TAFA1: variants seen among roughly 807,000 people sequenced by gnomAD.
The protein encoded by TAFA1 is TAFA chemokine like family member 1.
Under a neutral mutation model 18.5 loss-of-function variants are expected in TAFA1, and 4 were observed. That is an observed-to-expected ratio of 0.22 (90% CI 0.11 to 0.49). The LOEUF (loss-of-function observed/expected upper bound fraction) is 0.49. Among genes scored for constraint, TAFA1 ranks in the 20% least tolerant of loss-of-function variants. TAFA1 has a pLI of 0.98. For missense variants in TAFA1, 147 were observed against 169.0 expected, an observed-to-expected ratio of 0.87 and a Z score of 0.72; for synonymous variants, 56 against 55.2, an observed-to-expected ratio of 1.01 and a Z score of -0.06.
At chr3:68,253,003 T>G (rs975560640) in intron 2 of TAFA1, among the ~76,000 whole-genome samples, 2 of 152,192 alleles carry the variant, frequency 1.3e-5, no homozygotes, top group African/African-American at 2.4e-5. Context: ...TTCCTTCACC[T>G]TCCACCATGA....
intron 2 of TAFA1, among the ~76,000 whole-genome samples, chr3:68,049,084 A>AT (rs928493927): frequency 6.6e-6 from 1 of 152,064 alleles, no homozygotes; most frequent in African/African-American, 2.4e-5. Flanking sequence ...AGCTGGGCAC[A>AT]TTTTTTACTG....
chr3:68,234,967 A>C (rs1048660833), intron 2 of TAFA1, among the ~76,000 whole-genome samples: 4 of 151,824 alleles, frequency 2.6e-5, no homozygotes, highest in African/African-American at 9.7e-5. Context: ...GCACAGATGA[A>C]CTCCATTGTC....
chr3:68,022,115 A>T (rs1382088983), intron 2 of TAFA1, among the ~76,000 whole-genome samples: 2 of 152,206 alleles, frequency 1.3e-5, no homozygotes, highest in African/African-American at 4.8e-5. Flanking sequence ...TGCCAAAACA[A>T]ACTAGATTTA....
intron 2 of TAFA1, among the ~76,000 whole-genome samples, chr3:68,294,190 G>A (rs2068164940): frequency 1.3e-5 from 2 of 152,094 alleles, no homozygotes; most frequent in South Asian, 4.1e-4. Context: ...CATTGGTCAA[G>A]GAATCGAAAG....
rs113467200 is a variant in TAFA1 at position 68,469,397 on chromosome 3, G to A, written c.259+51977G>A. Among the ~76,000 whole-genome samples, 163 of 152,210 alleles carry A rather than the reference G, an allele frequency of 1.1e-3. 1 individual carries two copies. Among genetic ancestry groups the A allele is most frequent in the African/African-American group, 3.2e-3 (132 of 41,540 alleles). On this transcript the variant is annotated intron_variant, in intron 3 of 4. Coordinates refer to ENST00000478136, the MANE Select transcript of TAFA1 (RefSeq NM_213609.4). The stretch of plus-strand genomic sequence containing the variant: ...CTCTTTTGAAAAGTCAGAGAGGGCC[G>A]GGCGCAGTGGCTCACACCTGTAATT...
Position 68,268,312 on chromosome 3 carries a change from C to G in TAFA1, c.119-148968C>G, listed in dbSNP as rs114438319. 7.5e-3 allele frequency among the ~76,000 whole-genome samples: 1,143 copies of G among 152,120 alleles called. 19 individuals carry two copies. The highest frequency in any genetic ancestry group is 0.026 in the African/African-American group (1,067 of 41,494). ...CCATTTCAGTTTAAAGGAGGAAAGA[C>G]ATATTTTAAGATATTGCTGAAACTT... is the stretch of plus-strand genomic sequence containing the variant. On this transcript the variant is annotated intron_variant, in intron 2 of 4. Transcript: ENST00000478136.
At chr3:68,527,866 T>TG (rs11388946) in intron 3 of TAFA1, among the ~76,000 whole-genome samples, 120,266 of 151,948 alleles carry the variant, frequency 0.79, 47,693 homozygotes, top group East Asian at 0.89. Flanking sequence ...CTTTCAATCC[T>TG]CCCATTTCAC....
At chr3:68,520,744 A>T (rs1046385981) in intron 3 of TAFA1, among the ~76,000 whole-genome samples, 2 of 152,192 alleles carry the variant, frequency 1.3e-5, no homozygotes, top group Non-Finnish European at 2.9e-5. Context: ...AAGTGGAGGG[A>T]CACATGATAA....
At chr3:68,080,504 G>A (rs1330776401) in intron 2 of TAFA1, among the ~76,000 whole-genome samples, 3 of 152,008 alleles carry the variant, frequency 2.0e-5, no homozygotes, top group East Asian at 1.9e-4. Flanking sequence ...TTTAGGGCAG[G>A]CCTGGTGGTG....
At chr3:68,093,726 TC>T (rs1409509575) in intron 2 of TAFA1, among the ~76,000 whole-genome samples, 1 of 151,548 alleles carries the variant, frequency 6.6e-6, no homozygotes, top group Non-Finnish European at 1.5e-5. Flanking sequence ...TATCAATATA[TC>T]TTGTGTTTTT....
chr3:68,419,184 T>C (rs1316681633), intron 3 of TAFA1, among the ~76,000 whole-genome samples: 2 of 152,198 alleles, frequency 1.3e-5, no homozygotes, highest in Admixed American at 6.5e-5. Flanking sequence ...AAAGTTACTC[T>C]TTTTTATTTC....
chr3:68,045,978 C>G (rs1192996737), intron 2 of TAFA1, among the ~76,000 whole-genome samples: 1 of 152,106 alleles, frequency 6.6e-6, no homozygotes, highest in Non-Finnish European at 1.5e-5. Context: ...TGGGAATTAG[C>G]TTAGTGACAT....
chr3:68,046,730 G>A (rs925191328), intron 2 of TAFA1, among the ~76,000 whole-genome samples: 10 of 152,096 alleles, frequency 6.6e-5, no homozygotes, highest in African/African-American at 2.4e-4. Flanking sequence ...GATTTGGAGA[G>A]GTTAAGTAAC....
At chr3:68,357,576 T>C (rs2069389420) in intron 2 of TAFA1, among the ~76,000 whole-genome samples, 1 of 151,930 alleles carries the variant, frequency 6.6e-6, no homozygotes, top group Non-Finnish European at 1.5e-5. Flanking sequence ...CACTAGTCGG[T>C]GTAGTGTTTC....
intron 3 of TAFA1, among the ~76,000 whole-genome samples, chr3:68,505,438 C>T (rs778296149): frequency 6.6e-6 from 1 of 152,134 alleles, no homozygotes; most frequent in Non-Finnish European, 1.5e-5. Context: ...CTGCAAACCA[C>T]ATTACACAAA....
At chr3:68,215,664 C>G (rs955199156) in intron 2 of TAFA1, among the ~76,000 whole-genome samples, 4 of 151,966 alleles carry the variant, frequency 2.6e-5, no homozygotes, top group Non-Finnish European at 5.9e-5. Context: ...ACTGGCAATA[C>G]TAAATGCTGA....
At chr3:68,529,695 G>A (rs1282200523) in intron 3 of TAFA1, among the ~76,000 whole-genome samples, 2 of 152,152 alleles carry the variant, frequency 1.3e-5, no homozygotes, top group Non-Finnish European at 2.9e-5. Context: ...AGACCACATG[G>A]CAGAGAGGAA....
chr3:68,350,851 A>T (rs1328546080), intron 2 of TAFA1, among the ~76,000 whole-genome samples: 1 of 152,120 alleles, frequency 6.6e-6, no homozygotes, highest in Non-Finnish European at 1.5e-5. Flanking sequence ...TTCTAATCTG[A>T]GGGCAGAAAT....
intron 2 of TAFA1, among the ~76,000 whole-genome samples, chr3:68,408,384 C>T (rs547905128): frequency 6.6e-6 from 1 of 152,238 alleles, no homozygotes; most frequent in East Asian, 1.9e-4. Flanking sequence ...AGTTATGACT[C>T]GATCCCCAAC....
Sources: gnomAD v4.1 joint callset for allele counts (sites outside exome capture counted in the v4.1 genomes callset) on GRCh38, gnomAD v4.1.1 for gene constraint, MANE v1.5 for transcripts, NCBI Gene and HGNC (gene_info 2026-07-23, HGNC 2026-07-21) for gene names.